RPGRIP1: variants seen among roughly 807,000 people sequenced by gnomAD.
The protein encoded by RPGRIP1 is X-linked retinitis pigmentosa GTPase regulator-interacting protein 1.
RPGRIP1 carries 128 observed loss-of-function variants against 157.9 expected under a neutral mutation model. The observed-to-expected ratio is 0.81, with a 90% CI of 0.70 to 0.94. The LOEUF (loss-of-function observed/expected upper bound fraction) is 0.94. RPGRIP1 is among the 40% of genes least tolerant of loss of function. The pLI is 0.00. For synonymous variants in RPGRIP1, 554 were observed against 571.6 expected, an observed-to-expected ratio of 0.97 and a Z score of 0.44; for missense variants, 1,486 against 1,545.8, an observed-to-expected ratio of 0.96 and a Z score of 0.65.
At chr14:21,327,975 C>T (rs1883289101) in intron 18 of RPGRIP1, among the ~76,000 whole-genome samples, 168 bp downstream of exon 18, 1 of 152,150 alleles carries the variant, frequency 6.6e-6, no homozygotes, top group African/African-American at 2.4e-5. Flanking sequence ...TCAAGACCAG[C>T]CTGACCAACA....
intron 22 of RPGRIP1, among the ~76,000 whole-genome samples, 153 bp downstream of exon 22, chr14:21,343,381 T>A (rs1885217642): frequency 6.6e-6 from 1 of 152,256 alleles, no homozygotes; most frequent in Non-Finnish European, 1.5e-5. Flanking sequence ...TTTAAAAACA[T>A]CGAATGGGGC....
At chr14:21,295,937 AT>A (rs886612263) in intron 3 of RPGRIP1, among the ~76,000 whole-genome samples, 1 of 149,318 alleles carries the variant, frequency 6.7e-6, no homozygotes, top group South Asian at 2.1e-4. Flanking sequence ...CGTCAGAGTA[AT>A]TTTTTTTGTT....
At chr14:21,306,051 A>T (rs1017447450) in intron 6 of RPGRIP1, among the ~76,000 whole-genome samples, 1 of 142,942 alleles carries the variant, frequency 7.0e-6, no homozygotes, top group Non-Finnish European at 1.5e-5. Flanking sequence ...CCTCCCCAGT[A>T]TCTCTTTCAA....
intron 7 of RPGRIP1, 105 bp downstream of exon 7, chr14:21,307,941 G>GACAATTTATAAGTGATATCAC (rs1336773964): frequency 3.8e-5 from 25 of 666,160 alleles, no homozygotes; most frequent in Middle Eastern, 2.7e-4. Flanking sequence ...AATTCAGAAA[G>GACAATTTATAAGTGATATCAC]ACAATTTATA....
intron 3 of RPGRIP1, among the ~76,000 whole-genome samples, chr14:21,295,866 G>T (rs977581408): frequency 3.3e-5 from 5 of 150,942 alleles, no homozygotes; most frequent in Non-Finnish European, 7.4e-5. Flanking sequence ...TGCCTACTGG[G>T]TTCAAGCGAT....
chr14:21,294,613 C>A, intron 2 of RPGRIP1, 64 bp from the exon 3 acceptor site: 2 of 1,490,628 alleles, frequency 1.3e-6, no homozygotes, highest in Non-Finnish European at 1.9e-6. Context: ...TGTGATGAGA[C>A]ATCTAAAGGG....
chr14:21,295,020 T>C (rs1880708764), intron 3 of RPGRIP1, among the ~76,000 whole-genome samples: 1 of 151,608 alleles, frequency 6.6e-6, no homozygotes, highest in African/African-American at 2.4e-5. Flanking sequence ...ATTTAGTATT[T>C]TTAAGTAGAG....
At chr14:21,292,635 A>G (rs1270016117) in intron 2 of RPGRIP1, among the ~76,000 whole-genome samples, 1 of 151,872 alleles carries the variant, frequency 6.6e-6, no homozygotes, top group Non-Finnish European at 1.5e-5. Context: ...TGAGGTCAGA[A>G]GTTTGAGACC....
intron 1 of RPGRIP1, among the ~76,000 whole-genome samples, chr14:21,281,890 C>T (rs1479820742): frequency 4.6e-5 from 7 of 151,490 alleles, no homozygotes; most frequent in Admixed American, 1.3e-4. Context: ...GTCCGGAGTT[C>T]GAGACCAGCC....
At chr14:21,349,812 TAC>T (rs1161796700) in intron 24 of RPGRIP1, among the ~76,000 whole-genome samples, 2 of 152,244 alleles carry the variant, frequency 1.3e-5, no homozygotes, top group African/African-American at 2.4e-5. Context: ...TAAATCCTTT[TAC>T]AGTTTGCTAT....
In RPGRIP1 at chr14:21,327,618, C is replaced by G. The variant is rs758512657; in HGVS notation, c.2711-5C>G. 6.2e-7 allele frequency: 1 copy of G among 1,613,352 alleles called. No homozygotes were observed. Among genetic ancestry groups the G allele is most frequent in the Admixed American group, 1.7e-5 (1 of 60,014 alleles). On this transcript the variant is annotated splice_region_variant and splice_polypyrimidine_tract_variant and intron_variant, in intron 17 of 24. Coordinates refer to ENST00000400017, the MANE Select transcript of RPGRIP1 (RefSeq NM_020366.4). Reference sequence around the variant, plus strand: ...AGGTCTTATTAATATCTGTTTGTTTCTCAGGTGATTTTAACCTCACTGACC... The same window carrying G: ...AGGTCTTATTAATATCTGTTTGTTTGTCAGGTGATTTTAACCTCACTGACC...
intron 23 of RPGRIP1, among the ~76,000 whole-genome samples, chr14:21,347,810 C>A (rs1885716062): frequency 6.6e-6 from 1 of 152,160 alleles, no homozygotes; most frequent in Admixed American, 6.5e-5. Flanking sequence ...CCCACTGCAT[C>A]CTCGACCTCC....
chr14:21,344,713 A>C (rs1235370920), intron 22 of RPGRIP1, among the ~76,000 whole-genome samples: 1 of 152,210 alleles, frequency 6.6e-6, no homozygotes, highest in Non-Finnish European at 1.5e-5. Context: ...TGGGAAGCCA[A>C]GGCGGGCAGA....
At chr14:21,301,855 G>T (rs1227232262) in intron 4 of RPGRIP1, among the ~76,000 whole-genome samples, 2 of 151,936 alleles carry the variant, frequency 1.3e-5, no homozygotes, top group Non-Finnish European at 2.9e-5. Flanking sequence ...TCCAGCCTGG[G>T]CAACAGAGTG....
chr14:21,322,138 C>A, intron 14 of RPGRIP1, 134 bp downstream of exon 14: 1 of 697,398 alleles, frequency 1.4e-6, no homozygotes, highest in Non-Finnish European at 2.2e-6. Context: ...GTTCTTTATC[C>A]TATCATTTTT....
At chr14:21,300,398 A>G (rs1487606352) in intron 3 of RPGRIP1, among the ~76,000 whole-genome samples, 1 of 152,074 alleles carries the variant, frequency 6.6e-6, no homozygotes, top group African/African-American at 2.4e-5. Context: ...GAGTGGGGAC[A>G]CAATTCAGGC....
intron 8 of RPGRIP1, 48 bp from the exon 9 acceptor site, chr14:21,311,776 G>C (rs760491994): frequency 2.0e-6 from 3 of 1,517,686 alleles, no homozygotes; most frequent in Non-Finnish European, 2.7e-6. Context: ...GAGACCACTC[G>C]TGCTGAGTGA....
chr14:21,322,441 G>A lies in RPGRIP1; in HGVS notation c.1762+437G>A, dbSNP rs149195770. Among the ~76,000 whole-genome samples, 410 of 152,282 alleles carry A rather than the reference G, an allele frequency of 2.7e-3. 1 individual carries two copies. Among genetic ancestry groups the A allele is most frequent in the African/African-American group, 9.5e-3 (393 of 41,548 alleles). On this transcript the variant is annotated intron_variant, in intron 14 of 24. Coordinates refer to ENST00000400017, the MANE Select transcript of RPGRIP1 (RefSeq NM_020366.4). ...CCCAAAGTGATGGGATTACAGGTGC[G>A]AGCCACTGCGCCCGGCCCATCTTTG... is the stretch of plus-strand genomic sequence containing the variant.
In RPGRIP1 at chr14:21,324,663, G is replaced by C. The variant is rs1217810346; in HGVS notation, c.1808G>C (p.Cys603Ser). 1 of 1,613,962 alleles carries C rather than the reference G, an allele frequency of 6.2e-7. No individual in the cohort carries two copies. Among genetic ancestry groups the C allele is most frequent in the Non-Finnish European group, 8.5e-7 (1 of 1,179,896 alleles). ...TATGGCACCCGACCGTTGTCGTTAT[G>C]TTTGGAAACACTGCCAGCCCATGGA... ...VAYGTRPLSL[C>S]LETLPAHGDE... The change falls in exon 15 of 25, where the codon TGT (cysteine) becomes TCT (serine). Residue 603 changes from cysteine (C) to serine (S), a missense_variant. Cys to Ser is a moderately radical substitution (Grantham distance 112). Coordinates refer to ENST00000400017, the MANE Select transcript of RPGRIP1 (RefSeq NM_020366.4).
Sources: gnomAD v4.1 joint callset for allele counts (sites outside exome capture counted in the v4.1 genomes callset) on GRCh38, gnomAD v4.1.1 for gene constraint, MANE v1.5 for transcripts, NCBI Gene and HGNC (gene_info 2026-07-23, HGNC 2026-07-21) for gene names.